The following UVRAG variants were observed in gnomAD, a reference collection of about 807,000 sequenced individuals.
UVRAG encodes UV radiation resistance-associated gene protein.
A neutral mutation model predicts 78.0 loss-of-function variants in UVRAG; 19 were observed. The ratio of observed to expected loss-of-function variants is 0.24; its 90% CI spans 0.17 to 0.36. The LOEUF is 0.36. Ranked by LOEUF, UVRAG falls within the 10% of genes least tolerant of loss-of-function variation. UVRAG has a pLI of 1.00. For missense variants in UVRAG, 740 were observed against 853.8 expected, an observed-to-expected ratio of 0.87 and a Z score of 1.66; for synonymous variants, 323 against 324.6, an observed-to-expected ratio of 1.00 and a Z score of 0.05.
intron 1 of UVRAG, among the ~76,000 whole-genome samples, chr11:75,832,255 A>T (rs1945674771): frequency 6.6e-6 from 1 of 152,080 alleles, no homozygotes. Flanking sequence ...CGGAGTTATG[A>T]CCTACAAGTT....
chr11:75,833,573 A>G (rs1945711211), intron 1 of UVRAG, among the ~76,000 whole-genome samples: 2 of 144,198 alleles, frequency 1.4e-5, no homozygotes, highest in East Asian at 2.0e-4. Context: ...CGCTAGAGGA[A>G]TTAAAGACAC....
rs559291432 is a variant in UVRAG at position 76,107,844 on chromosome 11, G to A, written c.1306-8080G>A. Among the ~76,000 whole-genome samples the A allele has an allele frequency of 4.6e-5, 7 of 151,772 alleles. No homozygotes were observed. The East Asian group carries it at 7.8e-4, about 17-fold the overall frequency. On this transcript the variant is annotated intron_variant, in intron 13 of 14. Transcript: ENST00000356136. ...GTTCTTTTCATGTCAGTGAAACTTA[G>A]TAGTACTTAAAAATGGATTGAAATA...
chr11:76,123,021 A>G (rs1394691910), intron 14 of UVRAG, among the ~76,000 whole-genome samples: 1 of 152,182 alleles, frequency 6.6e-6, no homozygotes, highest in Non-Finnish European at 1.5e-5. Context: ...AGATCACGTG[A>G]TACTAAATGA....
intron 6 of UVRAG, among the ~76,000 whole-genome samples, chr11:75,957,932 G>A (rs1028720859): frequency 1.3e-5 from 2 of 152,146 alleles, no homozygotes; most frequent in African/African-American, 4.8e-5. Flanking sequence ...TTTCAATAAA[G>A]CGAGTCACAT....
intron 7 of UVRAG, among the ~76,000 whole-genome samples, chr11:75,969,950 T>A (rs1223149742): frequency 6.6e-6 from 1 of 152,240 alleles, no homozygotes; most frequent in Non-Finnish European, 1.5e-5. Flanking sequence ...ATTTATTTAA[T>A]GGATGAGTTT....
intron 6 of UVRAG, among the ~76,000 whole-genome samples, chr11:75,924,910 A>T (rs1243508857): frequency 6.6e-6 from 1 of 152,206 alleles, no homozygotes; most frequent in Non-Finnish European, 1.5e-5. Context: ...GGCTTAGAGC[A>T]AAAGTCAGCT....
At chr11:76,073,407 C>G (rs973634669) in intron 13 of UVRAG, among the ~76,000 whole-genome samples, 1 of 152,106 alleles carries the variant, frequency 6.6e-6, no homozygotes, top group African/African-American at 2.4e-5. Context: ...GTGAGCCTGT[C>G]TCTTAAAGGA....
rs1952768956 is a variant in UVRAG, at chr11:76,144,169, A to C, written c.*2756A>C. Among the ~76,000 whole-genome samples, 1 of 152,234 alleles carries C rather than the reference A, an allele frequency of 6.6e-6. No individual in the cohort carries two copies. Among genetic ancestry groups the C allele is most frequent in the Non-Finnish European group, 1.5e-5 (1 of 68,044 alleles). On this transcript the variant is annotated 3_prime_UTR_variant, in exon 15 of 15. Transcript: ENST00000356136. ...GAATAATAAATGGCATGTGAAACTG[A>C]TCTGTTGGTAACTGGAAGAAAACTC...
At chr11:75,897,722 C>T (rs896604805) in intron 5 of UVRAG, among the ~76,000 whole-genome samples, 1 of 151,654 alleles carries the variant, frequency 6.6e-6, no homozygotes, top group Non-Finnish European at 1.5e-5. Flanking sequence ...TGGGGTTTCA[C>T]CATGTTGTCC....
intron 1 of UVRAG, among the ~76,000 whole-genome samples, chr11:75,819,681 A>G (rs560021612): frequency 2.0e-5 from 3 of 150,852 alleles, no homozygotes; most frequent in African/African-American, 4.9e-5. Context: ...TTTTATTTCT[A>G]TTTTTGGCCG....
At chr11:76,101,589 T>A (rs951782710) in intron 13 of UVRAG, among the ~76,000 whole-genome samples, 21 of 152,324 alleles carry the variant, frequency 1.4e-4, no homozygotes, top group African/African-American at 4.8e-4. Context: ...TTTAATTTGA[T>A]CTCATTTGTT....
Position 75,815,214 on chromosome 11 carries a change from A to T in UVRAG, c.-194A>T. ...GGGGTGGAGGGGTTGCACTGCGGTA[A>T]TATGGCTCTTCCTTAGCCAGCGGCG... On this transcript the variant is annotated 5_prime_UTR_variant, in exon 1 of 15. Coordinates refer to ENST00000356136, the MANE Select transcript of UVRAG (RefSeq NM_003369.4). 1 of 431,632 alleles carries T rather than the reference A, an allele frequency of 2.3e-6. No homozygotes were observed. Among genetic ancestry groups the T allele is most frequent in the Non-Finnish European group, 4.1e-6 (1 of 246,142 alleles). The allele number at this position is 431,632 out of a possible 1,614,324, so 26.7% of individuals were successfully genotyped here.
intron 12 of UVRAG, among the ~76,000 whole-genome samples, chr11:76,062,477 T>C (rs956766880): frequency 6.6e-6 from 1 of 152,134 alleles, no homozygotes; most frequent in Non-Finnish European, 1.5e-5. Context: ...TCACTTTGGT[T>C]CTCCCTGCTT....
At chr11:75,905,885 C>G (rs1947603986) in intron 5 of UVRAG, among the ~76,000 whole-genome samples, 1 of 146,066 alleles carries the variant, frequency 6.8e-6, no homozygotes, top group Non-Finnish European at 1.5e-5. Flanking sequence ...AACTGCTAAA[C>G]TTTTTTTTTT....
intron 1 of UVRAG, among the ~76,000 whole-genome samples, chr11:75,821,988 A>G (rs1590894879): frequency 1.5e-5 from 2 of 129,638 alleles, no homozygotes; most frequent in Admixed American, 9.5e-5. Flanking sequence ...CTTGTTGCCC[A>G]GGCTGGAGTG....
chr11:76,081,380 A>T (rs1266692189), intron 13 of UVRAG, among the ~76,000 whole-genome samples: 1 of 151,564 alleles, frequency 6.6e-6, no homozygotes, highest in East Asian at 1.9e-4. Context: ...TAGTTTTTAT[A>T]TTTTTAGTAG....
intron 8 of UVRAG, among the ~76,000 whole-genome samples, chr11:75,994,428 G>A (rs1309750906): frequency 6.6e-6 from 1 of 152,104 alleles, no homozygotes; most frequent in Non-Finnish European, 1.5e-5. Flanking sequence ...TTGAGATGTG[G>A]ACCCAAATTC....
At chr11:75,905,543 T>C (rs1947595188) in intron 5 of UVRAG, among the ~76,000 whole-genome samples, 1 of 152,254 alleles carries the variant, frequency 6.6e-6, no homozygotes, top group South Asian at 2.1e-4. Flanking sequence ...AATTATGTAG[T>C]ATGTGACCTT....
intron 14 of UVRAG, among the ~76,000 whole-genome samples, chr11:76,127,397 T>C (rs1433837632): frequency 3.9e-5 from 6 of 152,168 alleles, no homozygotes; most frequent in Non-Finnish European, 7.4e-5. Flanking sequence ...CTCACGCCTG[T>C]AATCCCAGCA....
Sources: gnomAD v4.1 joint callset for allele counts (sites outside exome capture counted in the v4.1 genomes callset) on GRCh38, gnomAD v4.1.1 for gene constraint, MANE v1.5 for transcripts, NCBI Gene and HGNC (gene_info 2026-07-23, HGNC 2026-07-21) for gene names.